DST: variants seen among roughly 807,000 people sequenced by gnomAD.
DST encodes bullous pemphigoid antigen.
Under a neutral mutation model 875.2 loss-of-function variants are expected in DST, and 253 were observed. The ratio of observed to expected loss-of-function variants is 0.29; its 90% CI spans 0.26 to 0.32. DST has a LOEUF of 0.32. DST is among the 10% of genes least tolerant of loss of function. The probability of loss-of-function intolerance (pLI) is 1.00; values close to 1 mark genes in which losing one functional copy is unlikely to be tolerated. For missense variants in DST, 8,287 were observed against 9,111.6 expected, an observed-to-expected ratio of 0.91 and a Z score of 3.68; for synonymous variants, 3,124 against 3,197.1, an observed-to-expected ratio of 0.98 and a Z score of 0.77.
chr6:56,532,492 C>A lies in DST; in HGVS notation c.16960G>T (p.Asp5654Tyr), dbSNP rs747010456. The A allele has an allele frequency of 7.5e-6, 12 of 1,601,232 alleles. No homozygotes were observed. In the South Asian group the frequency reaches 1.4e-4, roughly 18 times the overall value. The change falls in exon 64 of 104, where the codon GAT becomes TAT. Residue 5654 changes from aspartate to tyrosine, a missense_variant. Physicochemically the swap from Asp to Tyr is radical, Grantham distance 160. This residue lies in a region of DST where 777 missense variants were observed against 764.8 expected (regional missense o/e 1.02). Coordinates refer to ENST00000680361, the MANE Select transcript of DST (RefSeq NM_001374736.1). ...QEQKLLQRLL[D>Y]DRKSTVEVIK... ...ACCTCCACCGTAGATTTTCGGTCAT[C>A]CAACAATCTCTGGAGAAGCTTGAGA...
intron 93 of DST, among the ~76,000 whole-genome samples, chr6:56,472,605 T>A (rs1195197130): frequency 6.6e-6 from 1 of 152,092 alleles, no homozygotes; most frequent in African/African-American, 2.4e-5. Context: ...ATGACTTACA[T>A]CAAACCCAGC....
intron 4 of DST, among the ~76,000 whole-genome samples, chr6:56,811,276 G>T (rs2099759691): frequency 6.6e-6 from 1 of 150,696 alleles, no homozygotes; most frequent in Admixed American, 6.6e-5. Flanking sequence ...CTGGGTCCCT[G>T]ACAGTAGAGA....
At chr6:56,481,892 TAAGCAATGTGGACAG>T (rs869147961) in intron 90 of DST, among the ~76,000 whole-genome samples, 143 bp downstream of exon 90, 54 of 152,330 alleles carry the variant, frequency 3.5e-4, no homozygotes, top group African/African-American at 1.2e-3. Flanking sequence ...CATACATATG[TAAGCAATGTGGACAG>T]AAGTACACTC....
chr6:56,466,155 C>A lies in DST; in HGVS notation c.22610G>T (p.Arg7537Leu), dbSNP rs920975458. 6.2e-7 allele frequency: 1 copy of A among 1,612,302 alleles called. No homozygotes were observed. Among genetic ancestry groups the A allele is most frequent in the Non-Finnish European group, 8.5e-7 (1 of 1,179,196 alleles). ...SQQLRLVRIL[R>L]STVMVRVGGG... The stretch of plus-strand genomic sequence containing the variant: ...TCCAACACGAACCATCACAGTACTC[C>A]GCAGGATCCGGACCAGTCGCAGTTG... Residue 7537 changes from arginine (R) to leucine (L), a missense_variant, in exon 99 of 104, where the codon CGG (arginine) becomes CTG (leucine). Transcript: ENST00000680361.
At chr6:56,664,333 G>A (rs764964326) in intron 10 of DST, among the ~76,000 whole-genome samples, 3 of 152,224 alleles carry the variant, frequency 2.0e-5, no homozygotes, top group Non-Finnish European at 4.4e-5. Context: ...CAAGTCAGAG[G>A]CTAAATTTCA....
intron 3 of DST, chr6:56,871,121 G>T (rs574180068): frequency 1.0e-5 from 6 of 598,914 alleles, no homozygotes; most frequent in South Asian, 5.8e-5. Context: ...CATACAAAAA[G>T]ATATAAACAT....
chr6:56,847,561 A>T (rs1432504607), intron 4 of DST, among the ~76,000 whole-genome samples: 1 of 152,164 alleles, frequency 6.6e-6, no homozygotes, highest in Non-Finnish European at 1.5e-5. Context: ...CTTTACTTGC[A>T]GTTCCCATTT....
chr6:56,538,158 A>C lies in DST; in HGVS notation c.16609-1218T>G, dbSNP rs139539815. Among the ~76,000 whole-genome samples, 778 of 151,542 alleles carry C rather than the reference A, an allele frequency of 5.1e-3. 1 individual carries two copies. Among genetic ancestry groups the C allele is most frequent in the Non-Finnish European group, 8.7e-3 (589 of 67,802 alleles). ...TCACCACGCCCAGCTAATTAAAAGA[A>C]AATTTTTTTTTGGTAGAGACTGGGT... On this transcript the variant is annotated intron_variant, in intron 61 of 103. Transcript: ENST00000680361.
At chr6:56,947,749 G>C (rs1355173603) in intron 2 of DST, among the ~76,000 whole-genome samples, 2 of 152,164 alleles carry the variant, frequency 1.3e-5, no homozygotes, top group Non-Finnish European at 2.9e-5. Flanking sequence ...TGTACACCAA[G>C]CTCTGAAAAC....
chr6:56,476,079 A>G, intron 92 of DST, 70 bp downstream of exon 92: 1 of 1,276,408 alleles, frequency 7.8e-7, no homozygotes, highest in Non-Finnish European at 1.1e-6. Flanking sequence ...TGTTTTGAGA[A>G]GTACAGCAGT....
chr6:56,712,105 A>AAAAAAAAAAAAAAAAAAAAAAAAAT (rs1563813928), intron 5 of DST, among the ~76,000 whole-genome samples: 7 of 150,558 alleles, frequency 4.6e-5, no homozygotes, highest in South Asian at 4.2e-4. Context: ...AAAAAAAAAA[A>AAAAAAAAAAAAAAAAAAAAAAAAAT]ATAGGAGGAG....
chr6:56,795,205 GAATA>G (rs2099737660), intron 4 of DST, among the ~76,000 whole-genome samples: 1 of 151,578 alleles, frequency 6.6e-6, no homozygotes, highest in African/African-American at 2.4e-5. Context: ...CATAAAAGCA[GAATA>G]ATTAGAGTAC....
chr6:56,595,738 A>G (rs2152691913), intron 47 of DST, among the ~76,000 whole-genome samples: 1 of 151,548 alleles, frequency 6.6e-6, no homozygotes, highest in South Asian at 2.1e-4. Context: ...CTTCTTTCCC[A>G]CAGACTTGTG....
intron 58 of DST, among the ~76,000 whole-genome samples, chr6:56,559,099 A>G (rs1308484051): frequency 6.6e-6 from 1 of 152,204 alleles, no homozygotes; most frequent in Non-Finnish European, 1.5e-5. Flanking sequence ...TGACTTTAAT[A>G]GAACACAATC....
At chr6:56,903,356 C>T (rs1794992334) in intron 2 of DST, among the ~76,000 whole-genome samples, 2 of 152,210 alleles carry the variant, frequency 1.3e-5, no homozygotes, top group South Asian at 4.1e-4. Flanking sequence ...GCTGTCACAG[C>T]CATTCTGCAA....
intron 2 of DST, among the ~76,000 whole-genome samples, chr6:56,947,808 C>T (rs928485921): frequency 2.0e-5 from 3 of 152,170 alleles, no homozygotes; most frequent in Admixed American, 6.5e-5. Flanking sequence ...CTTATACCAA[C>T]CTGGGATTTT....
intron 5 of DST, among the ~76,000 whole-genome samples, chr6:56,705,553 T>C (rs1162006504): frequency 6.6e-6 from 1 of 152,232 alleles, no homozygotes; most frequent in Non-Finnish European, 1.5e-5. Flanking sequence ...GTTGACTCTC[T>C]CTATATATAT....
chr6:56,624,576 T>C lies in DST; in HGVS notation c.4883A>G (p.Tyr1628Cys), dbSNP rs201467113. ...CAATGAATCACCAGCAAATTTAATATATTGTGTCATGAGAGTGACCAGGGC... is the reference window on the plus strand; with the variant it reads ...CAATGAATCACCAGCAAATTTAATACATTGTGTCATGAGAGTGACCAGGGC... ...YTALVTLMTQ[Y>C]IKFAGDSLKR... The change falls in exon 36 of 104, where the codon TAT becomes TGT. Residue 1628 changes from tyrosine to cysteine, a missense_variant. By Grantham distance (194) the Tyr-to-Cys change is radical. Coordinates refer to ENST00000680361, the MANE Select transcript of DST (RefSeq NM_001374736.1). The C allele has an allele frequency of 7.4e-6, 12 of 1,613,338 alleles. No individual in the cohort carries two copies. Among genetic ancestry groups the C allele is most frequent in the Non-Finnish European group, 1.0e-5 (12 of 1,179,730 alleles).
At chr6:56,520,057 A>T (rs1311503418) in intron 69 of DST, among the ~76,000 whole-genome samples, 1 of 152,218 alleles carries the variant, frequency 6.6e-6, no homozygotes, top group Non-Finnish European at 1.5e-5. Flanking sequence ...AATATACAGT[A>T]TAAAGAAGAA....
Sources: gnomAD v4.1 joint callset for allele counts (sites outside exome capture counted in the v4.1 genomes callset) on GRCh38, gnomAD v4.1.1 for gene constraint, gnomAD v4.1.1 regional missense constraint, MANE v1.5 for transcripts, NCBI Gene and HGNC (gene_info 2026-07-23, HGNC 2026-07-21) for gene names.